ITPR1: variants seen among roughly 807,000 people sequenced by gnomAD.
ITPR1 encodes the protein inositol 1,4,5-trisphosphate-gated calcium channel ITPR1.
A neutral mutation model predicts 318.4 loss-of-function variants in ITPR1; 96 were observed. The observed-to-expected ratio is 0.30, with a 90% confidence interval of 0.26 to 0.36. ITPR1 has a LOEUF of 0.36. ITPR1 is among the 10% of genes least tolerant of loss of function. The probability of loss-of-function intolerance (pLI) is 1.00; values close to 1 mark genes in which losing one functional copy is unlikely to be tolerated. For synonymous variants in ITPR1, 1,312 were observed against 1,289.9 expected, an observed-to-expected ratio of 1.02 and a Z score of -0.37; for missense variants, 2,440 against 3,460.2, an observed-to-expected ratio of 0.71 and a Z score of 7.40.
intron 26 of ITPR1, 46 bp downstream of exon 26, chr3:4,681,464 C>T: frequency 1.6e-6 from 2 of 1,231,022 alleles, no homozygotes; most frequent in Non-Finnish European, 2.4e-6. Context: ...GCTGCTCTTC[C>T]AGAGCTCTCA....
At chr3:4,628,213 A>T (rs536878110) in intron 5 of ITPR1, among the ~76,000 whole-genome samples, 1 of 152,172 alleles carries the variant, frequency 6.6e-6, no homozygotes, top group Non-Finnish European at 1.5e-5. Flanking sequence ...TGGGCACGTT[A>T]TGTGCTGTTT....
At chr3:4,753,015 A>G (rs1263970371) in intron 44 of ITPR1, among the ~76,000 whole-genome samples, 2 of 151,980 alleles carry the variant, frequency 1.3e-5, no homozygotes, top group African/African-American at 4.9e-5. Flanking sequence ...AAGCGTGGCC[A>G]GGGAGGGCTT....
intron 60 of ITPR1, among the ~76,000 whole-genome samples, chr3:4,829,954 GTTTTT>G (rs35099159): frequency 1.1e-4 from 3 of 27,108 alleles, no homozygotes; most frequent in African/African-American, 3.5e-4. Context: ...ATGTATAACA[GTTTTT>G]TTTTTTTTTT....
intron 4 of ITPR1, among the ~76,000 whole-genome samples, chr3:4,579,533 A>C (rs6776433): frequency 3.3e-5 from 5 of 152,198 alleles, no homozygotes; most frequent in Admixed American, 2.6e-4. Flanking sequence ...TAACTCTGAA[A>C]TTGGTTTCTG....
At chr3:4,835,730 T>C (rs1481175045) in intron 60 of ITPR1, among the ~76,000 whole-genome samples, 2 of 152,200 alleles carry the variant, frequency 1.3e-5, no homozygotes, top group African/African-American at 4.8e-5. Context: ...CATTCCTGCC[T>C]CTCTGTACAG....
At chr3:4,587,366 C>T (rs747887826) in intron 4 of ITPR1, among the ~76,000 whole-genome samples, 34 of 151,776 alleles carry the variant, frequency 2.2e-4, no homozygotes, top group African/African-American at 4.1e-4. Flanking sequence ...CTCCACCTCC[C>T]GGGTTCAAGC....
chr3:4,677,395 CA>C (rs1265579196), intron 24 of ITPR1, among the ~76,000 whole-genome samples: 2 of 152,096 alleles, frequency 1.3e-5, no homozygotes, highest in African/African-American at 2.4e-5. Flanking sequence ...ACACTGAGGA[CA>C]GGGGGCTGGG....
chr3:4,745,099 C>CT lies in ITPR1; in HGVS notation c.5544+9755dup, dbSNP rs1170658899. On this transcript the variant is annotated intron_variant, in intron 44 of 61. Coordinates refer to ENST00000649015, the MANE Select transcript of ITPR1 (RefSeq NM_001378452.1). ...TTTCTTTCTCTCTCTTTCTCACTGT[C>CT]TTTTTTTTTTCTTTCCCTCCTTCCC... is the stretch of plus-strand genomic sequence containing the variant. 3.0e-3 allele frequency among the ~76,000 whole-genome samples: 423 copies of CT among 138,806 alleles called. 3 individuals carry two copies. The highest frequency in any genetic ancestry group is 8.5e-3 in the African/African-American group (317 of 37,484). 91.1% of individuals were successfully genotyped at this position (138,806 alleles called of 152,430 possible).
At chr3:4,646,238 G>A (rs1477881048) in intron 10 of ITPR1, among the ~76,000 whole-genome samples, 2 of 152,228 alleles carry the variant, frequency 1.3e-5, no homozygotes, top group African/African-American at 2.4e-5. Context: ...GGATGGTGAA[G>A]GTGGTAAGAG....
chr3:4,675,738 A>G (rs556544038), intron 23 of ITPR1, among the ~76,000 whole-genome samples: 5 of 152,232 alleles, frequency 3.3e-5, no homozygotes, highest in African/African-American at 1.2e-4. Context: ...TTGCATGTTT[A>G]TTTCTTCCTC....
At chr3:4,610,486 A>G (rs1457558724) in intron 4 of ITPR1, among the ~76,000 whole-genome samples, 1 of 152,154 alleles carries the variant, frequency 6.6e-6, no homozygotes, top group Non-Finnish European at 1.5e-5. Context: ...AGCTTATGTA[A>G]TTCCTTTCAT....
chr3:4,756,783 C>G (rs1348348678), intron 44 of ITPR1, among the ~76,000 whole-genome samples: 1 of 152,216 alleles, frequency 6.6e-6, no homozygotes, highest in East Asian at 1.9e-4. Context: ...CCAGAACCAA[C>G]TAGAATTATC....
chr3:4,826,572 A>AC lies in ITPR1; in HGVS notation c.8028+8333dup, dbSNP rs1450930884. The stretch of plus-strand genomic sequence containing the variant: ...CAGCCAGCCAGGCCTCTCTCACCCC[A>AC]CCCTGTGCACTTGGGCTTGGGTTCG... On this transcript the variant is annotated intron_variant, in intron 60 of 61. Coordinates refer to ENST00000649015, the MANE Select transcript of ITPR1 (RefSeq NM_001378452.1). The surrounding 1 kb of genome is among the most constrained non-coding windows in gnomAD (Gnocchi z 4.2). 2.0e-5 allele frequency among the ~76,000 whole-genome samples: 3 copies of AC among 152,070 alleles called. No individual in the cohort carries two copies. Among genetic ancestry groups the AC allele is most frequent in the Non-Finnish European group, 4.4e-5 (3 of 68,002 alleles).
intron 51 of ITPR1, among the ~76,000 whole-genome samples, chr3:4,787,119 C>G (rs906734417): frequency 6.6e-6 from 1 of 152,004 alleles, no homozygotes; most frequent in South Asian, 2.1e-4. Context: ...AGCGGCTGTC[C>G]TCGTGGATAG....
chr3:4,632,410 A>T (rs1291716609), intron 5 of ITPR1, among the ~76,000 whole-genome samples: 1 of 152,154 alleles, frequency 6.6e-6, no homozygotes, highest in Non-Finnish European at 1.5e-5. Context: ...AACAGGAATA[A>T]AGTGGGCTTG....
chr3:4,814,342 A>G, intron 57 of ITPR1, 81 bp from the exon 58 acceptor site: 23 of 1,417,484 alleles, frequency 1.6e-5, no homozygotes, highest in Non-Finnish European at 2.3e-5. Context: ...GTGAGATGGC[A>G]TTCAGGAAAC....
chr3:4,694,617 T>C (rs2094529503), intron 33 of ITPR1, among the ~76,000 whole-genome samples: 1 of 152,176 alleles, frequency 6.6e-6, no homozygotes, highest in Admixed American at 6.5e-5. Context: ...GTACAGCCTC[T>C]TGCTTCCAGG....
At chr3:4,584,780 C>T (rs1049923125) in intron 4 of ITPR1, among the ~76,000 whole-genome samples, 5 of 152,196 alleles carry the variant, frequency 3.3e-5, no homozygotes, top group East Asian at 1.9e-4. Flanking sequence ...GAAAGACCCC[C>T]GTTCATCTCC....
intron 34 of ITPR1, among the ~76,000 whole-genome samples, chr3:4,699,229 C>T (rs1446532548): frequency 1.3e-5 from 2 of 151,866 alleles, no homozygotes; most frequent in Non-Finnish European, 2.9e-5. Context: ...TGGTGGTGGG[C>T]ACCTGTAATC....
Sources: allele counts gnomAD v4.1 joint callset (sites outside exome capture counted in the v4.1 genomes callset), GRCh38; gene constraint gnomAD v4.1.1; non-coding constraint Gnocchi (gnomAD v3.1); transcripts MANE v1.5; gene names NCBI Gene and HGNC (gene_info 2026-07-23, HGNC 2026-07-21).